Variants in CADM2 observed in about 807,000 individuals in gnomAD.
CADM2 encodes cell adhesion molecule 2.
A neutral mutation model predicts 49.8 loss-of-function variants in CADM2; 12 were observed. The observed-to-expected ratio is 0.24, with a 90% confidence interval of 0.15 to 0.39. CADM2 has a LOEUF of 0.39. Among genes scored for constraint, CADM2 ranks in the 10% least tolerant of loss-of-function variants. The pLI, the probability that CADM2 is intolerant of heterozygous loss-of-function variation, is 1.00. For missense variants in CADM2, 378 were observed against 492.3 expected, an observed-to-expected ratio of 0.77 and a Z score of 2.20; for synonymous variants, 214 against 175.4, an observed-to-expected ratio of 1.22 and a Z score of -1.74.
At chr3:86,045,574 T>C (rs1364445206) in intron 8 of CADM2, among the ~76,000 whole-genome samples, 1 of 152,180 alleles carries the variant, frequency 6.6e-6, no homozygotes, top group Non-Finnish European at 1.5e-5. Flanking sequence ...CCTTCTCCCA[T>C]TGTTTCAGCA....
At chr3:85,836,283 G>A (rs1375710593) in intron 3 of CADM2, among the ~76,000 whole-genome samples, 1 of 151,594 alleles carries the variant, frequency 6.6e-6, no homozygotes, top group African/African-American at 2.4e-5. Context: ...CAGAGGGCAT[G>A]GTTGTAAAAA....
intron 1 of CADM2, among the ~76,000 whole-genome samples, chr3:85,566,277 A>G (rs762661911): frequency 1.3e-5 from 2 of 152,134 alleles, no homozygotes; most frequent in Non-Finnish European, 2.9e-5. Context: ...CTAGAAAACA[A>G]TAGAAATTTG....
At position 85,935,754 on chromosome 3, in the gene CADM2, CT is replaced by C; in HGVS notation, c.701-9del. ...GTGTTTAATTACCTTTCTTAATATT[CT>C]TTTATTTCTAGATACACCATCAGTT... On this transcript the variant is annotated splice_polypyrimidine_tract_variant and intron_variant, in intron 6 of 9. Coordinates refer to ENST00000383699, the MANE Select transcript of CADM2 (RefSeq NM_001167675.2). 1 of 1,472,052 alleles carries C rather than the reference CT, an allele frequency of 6.8e-7. No homozygotes were observed. Among genetic ancestry groups the C allele is most frequent in the Admixed American group, 1.8e-5 (1 of 56,130 alleles). The allele number at this position is 1,472,052 out of a possible 1,614,324, so 91.2% of individuals were successfully genotyped here.
At chr3:85,927,772 T>G (rs1262142358) in intron 6 of CADM2, among the ~76,000 whole-genome samples, 1 of 152,192 alleles carries the variant, frequency 6.6e-6, no homozygotes, top group East Asian at 1.9e-4. Context: ...GGTTAAGTGT[T>G]GATTTTATAT....
At chr3:85,210,709 T>TA (rs2041758205) in intron 1 of CADM2, among the ~76,000 whole-genome samples, 2 of 151,918 alleles carry the variant, frequency 1.3e-5, no homozygotes, top group Non-Finnish European at 2.9e-5. Context: ...CCCGGCTAAT[T>TA]ATTGTACTTT....
intron 4 of CADM2, among the ~76,000 whole-genome samples, chr3:85,884,378 A>T (rs1377856548): frequency 6.6e-6 from 1 of 152,190 alleles, no homozygotes; most frequent in Admixed American, 6.5e-5. Flanking sequence ...TGTGCATAGG[A>T]TATAAAACAT....
intron 1 of CADM2, among the ~76,000 whole-genome samples, chr3:85,448,517 G>A (rs1480962861): frequency 6.6e-6 from 1 of 151,886 alleles, no homozygotes; most frequent in Non-Finnish European, 1.5e-5. Context: ...ATAAAATACG[G>A]CACTGTGGCG....
At chr3:85,448,523 T>A (rs932994396) in intron 1 of CADM2, among the ~76,000 whole-genome samples, 4 of 152,062 alleles carry the variant, frequency 2.6e-5, no homozygotes, top group African/African-American at 9.7e-5. Context: ...TACGGCACTG[T>A]GGCGGTATGT....
At chr3:85,196,549 G>A (rs934543098) in intron 1 of CADM2, among the ~76,000 whole-genome samples, 17 of 151,910 alleles carry the variant, frequency 1.1e-4, no homozygotes, top group African/African-American at 3.6e-4. Context: ...AAGTTATAAA[G>A]AGGTTTATAG....
At chr3:85,185,172 C>A (rs1213849499) in intron 1 of CADM2, among the ~76,000 whole-genome samples, 2 of 151,904 alleles carry the variant, frequency 1.3e-5, no homozygotes, top group Non-Finnish European at 2.9e-5. Context: ...TAGAAGATGC[C>A]CTATCTTTTT....
rs548581890 is a variant in CADM2 at position 85,795,690 on chromosome 3, A to G, written c.89-6357A>G. Among the ~76,000 whole-genome samples, 10 of 152,368 alleles carry G rather than the reference A, an allele frequency of 6.6e-5. No homozygotes were observed. In the East Asian group the frequency reaches 1.9e-3, roughly 29 times the overall value. Reference sequence around the variant, plus strand: ...AATAAATTATAAAAGTAAGGTATCAATAAGATAAGATATTTAGGGACAGTT... The same window carrying G: ...AATAAATTATAAAAGTAAGGTATCAGTAAGATAAGATATTTAGGGACAGTT... On this transcript the variant is annotated intron_variant, in intron 2 of 9. Transcript: ENST00000383699.
chr3:85,737,567 T>A (rs2068191478), intron 2 of CADM2, among the ~76,000 whole-genome samples: 1 of 151,178 alleles, frequency 6.6e-6, no homozygotes, highest in Non-Finnish European at 1.5e-5. Flanking sequence ...TCTTTCTTTT[T>A]TTTTTTTTGA....
chr3:85,008,125 T>C (rs865922139), intron 1 of CADM2, among the ~76,000 whole-genome samples: 1 of 152,150 alleles, frequency 6.6e-6, no homozygotes, highest in Non-Finnish European at 1.5e-5. Flanking sequence ...TCATGAAAAT[T>C]ATGTCTGCAG....
chr3:85,710,332 G>A (rs1394874777), intron 1 of CADM2, among the ~76,000 whole-genome samples: 3 of 152,096 alleles, frequency 2.0e-5, no homozygotes, highest in Admixed American at 1.3e-4. Flanking sequence ...TTTCTAAAAC[G>A]TTACACTTAT....
chr3:85,584,816 A>T (rs1015568252), intron 1 of CADM2, among the ~76,000 whole-genome samples: 1 of 152,086 alleles, frequency 6.6e-6, no homozygotes, highest in Non-Finnish European at 1.5e-5. Flanking sequence ...AGAACCTGTC[A>T]TTTAATTCCA....
At position 85,083,130 on chromosome 3, in the gene CADM2, T is replaced by C. The variant is rs1024561923; in HGVS notation, c.61+123462T>C. On this transcript the variant is annotated intron_variant, in intron 1 of 9. Transcript: ENST00000383699. ...TATACATAGTATATGTGTATTATAT[T>C]ATATACATGTGTTATGGAAACACAT... 2.0e-5 allele frequency among the ~76,000 whole-genome samples: 3 copies of C among 152,176 alleles called. No homozygotes were observed. The East Asian group carries it at 5.8e-4, about 29-fold the overall frequency.
Position 85,206,587 on chromosome 3 carries a change from G to A in CADM2, c.61+246919G>A, listed in dbSNP as rs557838171. On this transcript the variant is annotated intron_variant, in intron 1 of 9. Transcript: ENST00000383699. ...CTCCCAAAGTGCTGGGATTACAGGC[G>A]TGAGCCACCGCGCCCGGCCGAATTT... 1.3e-3 allele frequency among the ~76,000 whole-genome samples: 197 copies of A among 152,152 alleles called. 1 individual carries two copies. The highest frequency in any genetic ancestry group is 4.1e-3 in the African/African-American group (172 of 41,530).
In CADM2 at chr3:85,121,988, C is replaced by T. The variant is rs13090109; in HGVS notation, c.61+162320C>T. ...GGTGCTCCTTCTCTGCATCCTCAATCGAGTCCAATCTTTTCACTTTTACAT... is the reference window on the plus strand; with the variant it reads ...GGTGCTCCTTCTCTGCATCCTCAATTGAGTCCAATCTTTTCACTTTTACAT... On this transcript the variant is annotated intron_variant, in intron 1 of 9. Transcript: ENST00000383699. Among the ~76,000 whole-genome samples, 8 of 152,118 alleles carry T rather than the reference C, an allele frequency of 5.3e-5. 1 individual carries two copies. Among genetic ancestry groups the T allele is most frequent in the African/African-American group, 1.9e-4 (8 of 41,524 alleles).
chr3:85,174,960 A>G (rs964567424), intron 1 of CADM2, among the ~76,000 whole-genome samples: 18 of 152,220 alleles, frequency 1.2e-4, no homozygotes, highest in African/African-American at 4.3e-4. Context: ...TTAGTGGGCA[A>G]AGGACTTGAA....
Sources: allele counts gnomAD v4.1 joint callset (sites outside exome capture counted in the v4.1 genomes callset), GRCh38; gene constraint gnomAD v4.1.1; transcripts MANE v1.5; gene names NCBI Gene and HGNC (gene_info 2026-07-23, HGNC 2026-07-21).